Variants in CFAP58 observed in about 807,000 individuals in gnomAD.
CFAP58 encodes the protein cilia- and flagella-associated protein 58.
In CFAP58, 88 loss-of-function variants were observed where a neutral mutation model predicts 119.5. The observed-to-expected ratio is 0.74, with a 90% CI of 0.62 to 0.88. The LOEUF (loss-of-function observed/expected upper bound fraction) is 0.88, where lower values mean the gene tolerates loss of function less well. Ranked by LOEUF, CFAP58 falls within the 40% of genes least tolerant of loss-of-function variation. The pLI, the probability that CFAP58 is intolerant of heterozygous loss-of-function variation, is 0.00. For missense variants in CFAP58, 990 were observed against 1,021.2 expected, an observed-to-expected ratio of 0.97 and a Z score of 0.42; for synonymous variants, 365 against 366.3, an observed-to-expected ratio of 1.00 and a Z score of 0.04.
chr10:104,450,722 T>C (rs1343186665), intron 17 of CFAP58, among the ~76,000 whole-genome samples: 7 of 151,752 alleles, frequency 4.6e-5, no homozygotes, highest in African/African-American at 1.5e-4. Flanking sequence ...TTTGATTTTT[T>C]TTTGTAGCAA....
At chr10:104,420,690 T>C (rs1305016594) in intron 15 of CFAP58, among the ~76,000 whole-genome samples, 2 of 152,076 alleles carry the variant, frequency 1.3e-5, no homozygotes, top group African/African-American at 4.8e-5. Flanking sequence ...GGTATCTTGA[T>C]TGACTTCTTT....
At chr10:104,377,617 G>A (rs899686122) in intron 8 of CFAP58, among the ~76,000 whole-genome samples, 4 of 152,194 alleles carry the variant, frequency 2.6e-5, no homozygotes, top group African/African-American at 9.6e-5. Flanking sequence ...ATGGCTGGGT[G>A]GTTGTGGGGG....
Position 104,380,042 on chromosome 10 carries a change from C to T in CFAP58, c.1187C>T (p.Ala396Val), listed in dbSNP as rs568288972. ...CCTTATTTTTAGAACATGCTTAAGG[C>T]GGTCAATGCGACCCAGAAGCAGACA... ...RDILNKNMLK[A>V]VNATQKQTDL... The change falls in exon 9 of 18, where the codon GCG becomes GTG. Residue 396 changes from alanine (A) to valine (V), a missense_variant. Transcript: ENST00000369704. The T allele has an allele frequency of 2.9e-5, 46 of 1,613,362 alleles. No individual in the cohort carries two copies. The highest frequency in any genetic ancestry group is 1.6e-4 in the Middle Eastern group (1 of 6,080).
intron 15 of CFAP58, among the ~76,000 whole-genome samples, chr10:104,438,355 T>TTG (rs2012973477): frequency 2.6e-5 from 1 of 38,796 alleles, no homozygotes; most frequent in African/African-American, 1.4e-4. Context: ...TTTGTTTTTT[T>TTG]TTTTTGTTTT....
chr10:104,400,596 T>C, intron 12 of CFAP58, 84 bp from the exon 13 acceptor site: 2 of 1,133,046 alleles, frequency 1.8e-6, no homozygotes, highest in Non-Finnish European at 2.7e-6. Context: ...GTTCAATAGA[T>C]ACTCATTGAA....
At chr10:104,339,900 TG>T in the CFAP58 span, among the ~76,000 whole-genome samples, 1 of 151,962 alleles carries the variant, frequency 6.6e-6, no homozygotes, top group Non-Finnish European at 1.5e-5. Context: ...GCAAAGCAGG[TG>T]GGGGAAATTT....
At chr10:104,371,651 T>C (rs768632114) in intron 7 of CFAP58, among the ~76,000 whole-genome samples, 21 of 152,120 alleles carry the variant, frequency 1.4e-4, no homozygotes, top group Non-Finnish European at 2.6e-4. Flanking sequence ...TCTCACCACA[T>C]CTGGTGGTTG....
chr10:104,397,653 T>A (rs2133039219), intron 11 of CFAP58, among the ~76,000 whole-genome samples: 1 of 152,310 alleles, frequency 6.6e-6, no homozygotes, highest in Admixed American at 6.5e-5. Flanking sequence ...ACTCTTTTAC[T>A]GACATTTGCC....
intron 8 of CFAP58, among the ~76,000 whole-genome samples, chr10:104,378,984 A>G (rs1329484206): frequency 2.6e-5 from 4 of 152,086 alleles, no homozygotes; most frequent in Non-Finnish European, 4.4e-5. Context: ...CGGAGTTGGA[A>G]CATGAGCATC....
At chr10:104,345,040 G>A in the CFAP58 span, among the ~76,000 whole-genome samples, 2 of 151,916 alleles carry the variant, frequency 1.3e-5, no homozygotes, top group Admixed American at 6.6e-5. Flanking sequence ...CCAGCTACTC[G>A]GGAGGCTGAG....
At chr10:104,419,318 A>G (rs2012615679) in intron 15 of CFAP58, among the ~76,000 whole-genome samples, 1 of 152,174 alleles carries the variant, frequency 6.6e-6, no homozygotes, top group South Asian at 2.1e-4. Context: ...GGGTGGGTTC[A>G]GGTCACACTA....
chr10:104,357,860 C>T (rs532633150), intron 1 of CFAP58, among the ~76,000 whole-genome samples: 5 of 118,936 alleles, frequency 4.2e-5, no homozygotes, highest in Middle Eastern at 4.7e-3. Context: ...CATATATACA[C>T]ATATATACAC....
chr10:104,428,362 G>A (rs1469984707), intron 15 of CFAP58, among the ~76,000 whole-genome samples: 2 of 152,208 alleles, frequency 1.3e-5, no homozygotes, highest in Non-Finnish European at 2.9e-5. Flanking sequence ...AATGGGGACA[G>A]CAGACTTGGG....
chr10:104,440,466 A>G (rs1487931896), intron 15 of CFAP58, among the ~76,000 whole-genome samples: 1 of 152,182 alleles, frequency 6.6e-6, no homozygotes, highest in Admixed American at 6.5e-5. Context: ...CCAAGTTATG[A>G]TTTGAATCCA....
chr10:104,361,843 G>A (rs192716477), intron 2 of CFAP58, among the ~76,000 whole-genome samples, 180 bp from the exon 3 acceptor site: 18 of 152,276 alleles, frequency 1.2e-4, no homozygotes, highest in South Asian at 4.1e-4. Flanking sequence ...GTACCACCAC[G>A]TCCAGTCCAG....
At chr10:104,436,107 T>A (rs898132550) in intron 15 of CFAP58, among the ~76,000 whole-genome samples, 7 of 152,158 alleles carry the variant, frequency 4.6e-5, no homozygotes, top group African/African-American at 1.7e-4. Flanking sequence ...ATTCAGGTCC[T>A]CTCTATGATC....
chr10:104,383,768 A>ACACACACG (rs3069005), intron 9 of CFAP58, among the ~76,000 whole-genome samples: 4,011 of 151,822 alleles, frequency 0.026, 182 homozygotes, highest in African/African-American at 0.092. Flanking sequence ...ACACACACAC[A>ACACACACG]CACACACACA....
chr10:104,454,452 C>G lies in CFAP58; in HGVS notation c.2541C>G (p.Thr847=). ...AGGACACAGCACCCATGGATAACAC[C>G]TTCTTAATGGTCAAACCAAATGGTC... ...KNKDTAPMDN[T]FLMVKPNGPG... is the part of the protein sequence containing the mutation. The change falls in exon 18 of 18, where the codon ACC becomes ACG. Residue 847 remains threonine (T), a synonymous_variant. Transcript: ENST00000369704. 1.9e-6 allele frequency: 3 copies of G among 1,613,698 alleles called. No individual in the cohort carries two copies. The highest frequency in any genetic ancestry group is 2.5e-6 in the Non-Finnish European group (3 of 1,179,762).
rs765799964 is a variant in CFAP58, at chr10:104,403,768, G to A, written c.2079G>A (p.Glu693=). The A allele has an allele frequency of 2.6e-5, 42 of 1,612,438 alleles. No individual in the cohort carries two copies. The Admixed American group carries it at 7.0e-4, about 27-fold the overall frequency. ...FFHMQRELLK[E]RTRCRALEEE... ...ACATGCAAAGAGAATTGTTGAAGGA[G>A]AGGACACGCTGCCGAGCCCTGGAGG... The change falls in exon 14 of 18, where the codon GAG becomes GAA. Residue 693 remains glutamate, a synonymous_variant. Coordinates refer to ENST00000369704, the MANE Select transcript of CFAP58 (RefSeq NM_001008723.2).
Sources: gnomAD v4.1 joint callset for allele counts (sites outside exome capture counted in the v4.1 genomes callset) on GRCh38, gnomAD v4.1.1 for gene constraint, MANE v1.5 for transcripts, NCBI Gene and HGNC (gene_info 2026-07-23, HGNC 2026-07-21) for gene names.